The following CD96 variants were observed in gnomAD, a reference collection of about 807,000 sequenced individuals.
The protein encoded by CD96 is T-cell surface protein tactile.
In CD96, 70 loss-of-function variants were observed where a neutral mutation model predicts 71.3. That is an observed-to-expected ratio of 0.98 (90% CI 0.81 to 1.20). The LOEUF (loss-of-function observed/expected upper bound fraction) is 1.20, where lower values mean the gene tolerates loss of function less well. CD96 is among the 50% of genes most tolerant of loss of function. The probability of loss-of-function intolerance (pLI) is 0.00; values close to 1 mark genes in which losing one functional copy is unlikely to be tolerated. For missense variants in CD96, 742 were observed against 677.5 expected, an observed-to-expected ratio of 1.10 and a Z score of -1.06; for synonymous variants, 248 against 233.0, an observed-to-expected ratio of 1.06 and a Z score of -0.59.
chr3:111,560,988 C>T (rs1255561968), intron 2 of CD96, among the ~76,000 whole-genome samples: 2 of 142,168 alleles, frequency 1.4e-5, no homozygotes, highest in African/African-American at 5.6e-5. Flanking sequence ...CCCTTTCTTC[C>T]AGTTGATCAC....
At chr3:111,562,215 G>A (rs1048927144) in intron 2 of CD96, among the ~76,000 whole-genome samples, 11 of 152,086 alleles carry the variant, frequency 7.2e-5, no homozygotes, top group Non-Finnish European at 5.9e-5. Context: ...GTTCCTATTC[G>A]GCCATCTTGG....
At chr3:111,655,944 A>T (rs781494038), downstream of CD96, among the ~76,000 whole-genome samples, 3 of 151,560 alleles carry the variant, frequency 2.0e-5, no homozygotes, top group African/African-American at 4.8e-5. Flanking sequence ...TATGGTATAC[A>T]TCTATATAAC....
chr3:111,630,698 A>G (rs1939017360), intron 10 of CD96, among the ~76,000 whole-genome samples: 1 of 152,192 alleles, frequency 6.6e-6, no homozygotes, highest in Non-Finnish European at 1.5e-5. Flanking sequence ...TGGCAGAGAT[A>G]CAACAAAAAA....
At chr3:111,629,077 C>A (rs1453978931) in intron 10 of CD96, among the ~76,000 whole-genome samples, 2 of 152,130 alleles carry the variant, frequency 1.3e-5, no homozygotes, top group Non-Finnish European at 2.9e-5. Context: ...GTATACAGGC[C>A]ATTGACATTA....
intron 8 of CD96, among the ~76,000 whole-genome samples, chr3:111,615,959 C>T (rs976202973): frequency 5.9e-5 from 9 of 152,132 alleles, no homozygotes; most frequent in African/African-American, 2.2e-4. Context: ...ATTCTTCCCC[C>T]AAATATCTAC....
chr3:111,638,921 T>C (rs1209880510), intron 12 of CD96, among the ~76,000 whole-genome samples: 2 of 152,236 alleles, frequency 1.3e-5, no homozygotes, highest in Admixed American at 6.5e-5. Context: ...GTTCTGTTTT[T>C]CCACTTCCAT....
chr3:111,616,465 G>A (rs1474530410), intron 8 of CD96, among the ~76,000 whole-genome samples: 1 of 152,026 alleles, frequency 6.6e-6, no homozygotes, highest in East Asian at 1.9e-4. Flanking sequence ...TGGTGGGACA[G>A]GAAGAGAAGC....
chr3:111,601,006 C>T (rs953400600), intron 7 of CD96, 92 bp downstream of exon 7: 15 of 823,386 alleles, frequency 1.8e-5, no homozygotes, highest in Non-Finnish European at 2.8e-5. Flanking sequence ...ACTTCCATAA[C>T]GTTTTAATCT....
chr3:111,593,882 CTG>C, intron 5 of CD96: 1 of 1,613,738 alleles, frequency 6.2e-7, no homozygotes, highest in South Asian at 1.1e-5. Context: ...CAGCTCCTCT[CTG>C]TGCATGCTTT....
rs112217489 is a variant in CD96, at chr3:111,662,077, G to A, written c.*53-3450G>A. Among the ~76,000 whole-genome samples the A allele has an allele frequency of 9.9e-3, 1,504 of 152,266 alleles. 22 individuals carry two copies. Among genetic ancestry groups the A allele is most frequent in the African/African-American group, 0.029 (1,187 of 41,522 alleles). On this transcript the variant is annotated intron_variant and NMD_transcript_variant, in intron 14 of 14. Coordinates refer to the CD96 transcript ENST00000494798. ...TCAAACCTTAACTCTTACCTTCTACGCACCTGCAGGTCCAAAACCACATGG... is the reference window on the plus strand; with the variant it reads ...TCAAACCTTAACTCTTACCTTCTACACACCTGCAGGTCCAAAACCACATGG...
chr3:111,608,994 G>C (rs977628351), intron 8 of CD96, among the ~76,000 whole-genome samples: 2 of 152,184 alleles, frequency 1.3e-5, no homozygotes, highest in Non-Finnish European at 2.9e-5. Context: ...AAACCAGTAA[G>C]TATTAGACTT....
rs1352412457 is a variant in CD96 at position 111,623,767 on chromosome 3, A to G, written c.1194A>G (p.Thr398=). ...TTTTCAAAATAGGATATCCAGCTAC[A>G]TCTTCAGTGACCCTTGTAGATGTGA... ...SSVSPARYPA[T]SSVTLVDVSA... The change falls in exon 9 of 14, where the codon ACA becomes ACG. Residue 398 remains threonine, a synonymous_variant. Transcript: ENST00000352690. The G allele has an allele frequency of 1.9e-6, 3 of 1,609,440 alleles. No homozygotes were observed. The highest frequency in any genetic ancestry group is 2.6e-6 in the Non-Finnish European group (3 of 1,175,702).
intron 14 of CD96, among the ~76,000 whole-genome samples, chr3:111,660,142 G>C (rs995033532): frequency 1.3e-5 from 2 of 152,150 alleles, no homozygotes; most frequent in Non-Finnish European, 2.9e-5. Flanking sequence ...CTGCCAGAAG[G>C]CTCCTACAAC....
intron 2 of CD96, among the ~76,000 whole-genome samples, chr3:111,552,144 G>T (rs1486406892): frequency 6.6e-6 from 1 of 151,502 alleles, no homozygotes; most frequent in Admixed American, 6.6e-5. Flanking sequence ...TAATGAGTTT[G>T]TTTTTTTTCT....
At chr3:111,568,540 A>T (rs934804730) in intron 3 of CD96, among the ~76,000 whole-genome samples, 1 of 152,202 alleles carries the variant, frequency 6.6e-6, no homozygotes, top group African/African-American at 2.4e-5. Context: ...TGCAGAGTTC[A>T]TCTATACAGA....
chr3:111,606,794 TA>T lies in CD96; in HGVS notation c.1180+4del. On this transcript the variant is annotated splice_donor_region_variant and intron_variant, in intron 8 of 13. Transcript: ENST00000352690. Reference sequence around the variant, plus strand: ...CAGCCAGCAGTGTATCTCCTGCAAGTAAGAATGTTTTCACACTGAGCTATTG... The same window carrying T: ...CAGCCAGCAGTGTATCTCCTGCAAGTAGAATGTTTTCACACTGAGCTATTG... 2 of 1,519,834 alleles carry T rather than the reference TA, an allele frequency of 1.3e-6. No homozygotes were observed. Among genetic ancestry groups the T allele is most frequent in the Non-Finnish European group, 1.8e-6 (2 of 1,093,894 alleles). 94.1% of individuals were successfully genotyped at this position (1,519,834 alleles called of 1,614,324 possible).
intron 2 of CD96, among the ~76,000 whole-genome samples, chr3:111,556,667 G>A (rs1478629404): frequency 1.4e-5 from 2 of 138,668 alleles, no homozygotes; most frequent in South Asian, 2.3e-4. Flanking sequence ...ATAAACATAC[G>A]TGTGCATGTG....
chr3:111,614,248 G>C (rs1270458425), intron 8 of CD96, among the ~76,000 whole-genome samples: 1 of 152,198 alleles, frequency 6.6e-6, no homozygotes, highest in East Asian at 1.9e-4. Context: ...GGAAGAGACA[G>C]GGAATGTCTC....
chr3:111,584,747 T>A (rs1004397980), intron 4 of CD96, among the ~76,000 whole-genome samples: 2 of 152,136 alleles, frequency 1.3e-5, no homozygotes, highest in African/African-American at 4.8e-5. Context: ...TCTCGCTGGG[T>A]CTCTTCCACA....
Sources: allele counts gnomAD v4.1 joint callset (sites outside exome capture counted in the v4.1 genomes callset), GRCh38; gene constraint gnomAD v4.1.1; transcripts MANE v1.5; gene names NCBI Gene and HGNC (gene_info 2026-07-23, HGNC 2026-07-21).